Variants in WBP1L observed in about 807,000 individuals in gnomAD.
The protein encoded by WBP1L is WW domain binding protein 1-like.
In WBP1L, 17 loss-of-function variants were observed where a neutral mutation model predicts 33.7. The observed-to-expected ratio is 0.50, with a 90% confidence interval of 0.34 to 0.76. The LOEUF (loss-of-function observed/expected upper bound fraction) is 0.76, where lower values mean the gene tolerates loss of function less well. WBP1L is among the 30% of genes least tolerant of loss of function. The pLI is 0.01. For synonymous variants in WBP1L, 173 were observed against 190.8 expected (o/e 0.91, Z 0.77); for missense variants, 389 against 469.4 (o/e 0.83, Z 1.58).
intron 2 of WBP1L, among the ~76,000 whole-genome samples, chr10:102,809,394 C>CA (rs1564770640): frequency 2.7e-5 from 4 of 149,088 alleles, no homozygotes; most frequent in African/African-American, 9.9e-5. Context: ...TTTTTTGAGA[C>CA]AGAGTCTTGC....
Position 102,800,300 on chromosome 10 carries a change from C to T in WBP1L, c.193+2205C>T, listed in dbSNP as rs529880054. Among the ~76,000 whole-genome samples the T allele has an allele frequency of 6.6e-5, 10 of 152,282 alleles. No homozygotes were observed. The East Asian group carries it at 1.4e-3, about 21-fold the overall frequency. On this transcript the variant is annotated intron_variant, in intron 2 of 3. Coordinates refer to ENST00000448841, the MANE Select transcript of WBP1L (RefSeq NM_001083913.2). Reference sequence around the variant, plus strand: ...AGGCGGCATCAGTTGTGAAAAGGAACGAAGTTGCTCATGGCCCCGTCTCAG... The same window carrying T: ...AGGCGGCATCAGTTGTGAAAAGGAATGAAGTTGCTCATGGCCCCGTCTCAG...
chr10:102,813,002 G>C lies in WBP1L; in HGVS notation c.763G>C (p.Asp255His). ...KDDSSEHGAP[D>H]SKEKTPGRHR... ...TGACAGCTCTGAACACGGCGCACCC[G>C]ACAGCAAAGAGAAGACGCCTGGGAG... Residue 255 changes from aspartate (D) to histidine (H), a missense_variant, in exon 4 of 4, where the codon GAC becomes CAC. Physicochemically the swap from Asp to His is moderately conservative, Grantham distance 81. Coordinates refer to ENST00000448841, the MANE Select transcript of WBP1L (RefSeq NM_001083913.2). The C allele has an allele frequency of 6.2e-7, 1 of 1,613,614 alleles. No individual in the cohort carries two copies. The highest frequency in any genetic ancestry group is 8.5e-7 in the Non-Finnish European group (1 of 1,179,966).
intron 1 of WBP1L, among the ~76,000 whole-genome samples, chr10:102,748,210 C>T (rs907581294): frequency 2.0e-5 from 3 of 151,576 alleles, no homozygotes; most frequent in African/African-American, 7.3e-5. Context: ...GAGCCGAGGT[C>T]GCGCCACTGC....
intron 1 of WBP1L, among the ~76,000 whole-genome samples, chr10:102,788,272 G>T (rs1268419477): frequency 6.6e-6 from 1 of 151,116 alleles, no homozygotes; most frequent in Non-Finnish European, 1.5e-5. Flanking sequence ...ACCACGCCCG[G>T]CTAATTTTTT....
chr10:102,796,025 G>T (rs1843568772), intron 1 of WBP1L, among the ~76,000 whole-genome samples: 1 of 152,164 alleles, frequency 6.6e-6, no homozygotes, highest in Non-Finnish European at 1.5e-5. Context: ...CACAACTTGC[G>T]ATGGTTCAAC....
intron 1 of WBP1L, among the ~76,000 whole-genome samples, chr10:102,796,499 T>G (rs1354559287): frequency 1.3e-5 from 2 of 152,140 alleles, no homozygotes; most frequent in Non-Finnish European, 2.9e-5. Flanking sequence ...CTTGGCCAAG[T>G]AGACAGTGTA....
At chr10:102,773,846 T>C (rs1295724405) in intron 1 of WBP1L, among the ~76,000 whole-genome samples, 3 of 145,470 alleles carry the variant, frequency 2.1e-5, no homozygotes. Flanking sequence ...CAAAACCCTA[T>C]CTCTTAAAAA....
At chr10:102,759,989 T>C (rs1161004484) in intron 1 of WBP1L, among the ~76,000 whole-genome samples, 1 of 152,246 alleles carries the variant, frequency 6.6e-6, no homozygotes, top group Non-Finnish European at 1.5e-5. Context: ...ACCAGCAATG[T>C]ATGAGAGTTT....
intron 1 of WBP1L, among the ~76,000 whole-genome samples, chr10:102,771,205 T>C (rs910328905): frequency 5.3e-5 from 8 of 152,234 alleles, no homozygotes; most frequent in Admixed American, 1.3e-4. Flanking sequence ...AAACAAATTT[T>C]CTACAGTAAA....
intron 1 of WBP1L, among the ~76,000 whole-genome samples, chr10:102,788,801 G>T (rs1243946082): frequency 6.6e-6 from 1 of 152,086 alleles, no homozygotes; most frequent in Non-Finnish European, 1.5e-5. Flanking sequence ...AACCTGGCTG[G>T]GGGGGATAAA....
intron 1 of WBP1L, among the ~76,000 whole-genome samples, chr10:102,759,143 C>A (rs1013590717): frequency 1.3e-5 from 2 of 152,166 alleles, no homozygotes; most frequent in East Asian, 3.9e-4. Flanking sequence ...CTGACTCCTC[C>A]AAGGAAAGGA....
intron 1 of WBP1L, among the ~76,000 whole-genome samples, chr10:102,784,421 CTTTT>C (rs35898015): frequency 1.0e-5 from 1 of 97,838 alleles, no homozygotes; most frequent in African/African-American, 3.8e-5. Context: ...GTTCTTGTTT[CTTTT>C]TTTTTTTTTT....
chr10:102,754,294 G>C lies in WBP1L; in HGVS notation c.90+10151G>C, dbSNP rs375360726. On this transcript the variant is annotated intron_variant, in intron 1 of 3. Coordinates refer to ENST00000448841, the MANE Select transcript of WBP1L (RefSeq NM_001083913.2). ...CAAATCCCTTTGCTACATTTGGGAG[G>C]GGGTAAGGAGCATAAAACCTACCCC... Among the ~76,000 whole-genome samples the C allele has an allele frequency of 4.6e-5, 7 of 152,246 alleles. No homozygotes were observed. The East Asian group carries it at 1.2e-3, about 25-fold the overall frequency.
chr10:102,796,526 A>G (rs1283798759), intron 1 of WBP1L, among the ~76,000 whole-genome samples: 1 of 152,180 alleles, frequency 6.6e-6, no homozygotes, highest in Non-Finnish European at 1.5e-5. Context: ...CATGGCCCAG[A>G]GAGGAGGAGC....
At chr10:102,751,417 C>T (rs1369774362) in intron 1 of WBP1L, among the ~76,000 whole-genome samples, 3 of 151,822 alleles carry the variant, frequency 2.0e-5, no homozygotes, top group Non-Finnish European at 2.9e-5. Context: ...TCAAGCAAAC[C>T]TCCTATCTCA....
intron 3 of WBP1L, among the ~76,000 whole-genome samples, chr10:102,811,147 C>T (rs1055844509): frequency 7.9e-5 from 12 of 152,158 alleles, no homozygotes; most frequent in African/African-American, 2.9e-4. Context: ...TGGCTCACAC[C>T]GGGCTCGGTG....
chr10:102,780,748 A>G (rs1168066818), intron 1 of WBP1L, among the ~76,000 whole-genome samples: 3 of 152,186 alleles, frequency 2.0e-5, no homozygotes, highest in African/African-American at 7.2e-5. Context: ...TGAAGAGGCA[A>G]CCCTTCTGCA....
At chr10:102,784,952 C>T (rs1843394404) in intron 1 of WBP1L, among the ~76,000 whole-genome samples, 1 of 151,228 alleles carries the variant, frequency 6.6e-6, no homozygotes, top group African/African-American at 2.4e-5. Flanking sequence ...TCTCAGGTCA[C>T]TGCAACCTCC....
chr10:102,799,416 A>G (rs1843620094), intron 2 of WBP1L, among the ~76,000 whole-genome samples: 1 of 152,054 alleles, frequency 6.6e-6, no homozygotes, highest in Non-Finnish European at 1.5e-5. Flanking sequence ...TTCAAGTTGC[A>G]CGACAGTGGT....
Sources: allele counts gnomAD v4.1 joint callset (sites outside exome capture counted in the v4.1 genomes callset), GRCh38; gene constraint gnomAD v4.1.1; transcripts MANE v1.5; gene names NCBI Gene and HGNC (gene_info 2026-07-23, HGNC 2026-07-21).